The following ABTB3 variants were observed in gnomAD, a reference collection of about 807,000 sequenced individuals.
ABTB3 encodes ankyrin repeat and BTB domain containing 3, also known as ankyrin repeat- and BTB/POZ domain-containing protein 3.
the ABTB3 span, among the ~76,000 whole-genome samples, chr12:107,389,100 C>T: frequency 6.6e-6 from 1 of 152,284 alleles, no homozygotes; most frequent in Admixed American, 6.5e-5. Context: ...ATTGGGACTG[C>T]ACTTCTGTAC....
At chr12:107,611,896 C>G in the ABTB3 span, among the ~76,000 whole-genome samples, 1 of 152,184 alleles carries the variant, frequency 6.6e-6, no homozygotes, top group South Asian at 2.1e-4. Context: ...GATAAATATG[C>G]CTCAATTCAT....
chr12:107,387,832 C>T, the ABTB3 span, among the ~76,000 whole-genome samples: 1 of 152,032 alleles, frequency 6.6e-6, no homozygotes, highest in Non-Finnish European at 1.5e-5. Flanking sequence ...AATGCAGGTC[C>T]CATACAGGAG....
the ABTB3 span, among the ~76,000 whole-genome samples, chr12:107,559,237 G>C: frequency 6.6e-5 from 10 of 152,328 alleles, no homozygotes; most frequent in Non-Finnish European, 1.3e-4. Flanking sequence ...CTCCCAGAGA[G>C]AGATCACCAG....
the ABTB3 span, among the ~76,000 whole-genome samples, chr12:107,462,698 A>ATGG: frequency 6.6e-6 from 1 of 151,664 alleles, no homozygotes; most frequent in Non-Finnish European, 1.5e-5. Flanking sequence ...GATGGTGATG[A>ATGG]TGGTGGTGGT....
At chr12:107,480,639 T>C in the ABTB3 span, among the ~76,000 whole-genome samples, 36 of 152,196 alleles carry the variant, frequency 2.4e-4, no homozygotes, top group African/African-American at 7.5e-4. Context: ...CCTGGTGAAC[T>C]CTGAAGGGTC....
chr12:107,587,565 T>C, the ABTB3 span, among the ~76,000 whole-genome samples: 5 of 151,988 alleles, frequency 3.3e-5, no homozygotes, highest in East Asian at 9.7e-4. Flanking sequence ...CAGAGGGAGA[T>C]AGACGGTTGC....
At chr12:107,615,279 T>C in the ABTB3 span, 1 of 723,336 alleles carries the variant, frequency 1.4e-6, no homozygotes, top group East Asian at 2.8e-5. Context: ...TTAACTGCAA[T>C]TCAATATAGT....
the ABTB3 span, among the ~76,000 whole-genome samples, chr12:107,613,929 T>C: frequency 1.3e-5 from 2 of 152,132 alleles, no homozygotes; most frequent in Non-Finnish European, 2.9e-5. Flanking sequence ...CAGTTTTGGA[T>C]CCAGAATCAT....
the ABTB3 span, chr12:107,319,645 C>A: frequency 6.5e-7 from 1 of 1,537,202 alleles, no homozygotes; most frequent in East Asian, 2.4e-5. Flanking sequence ...ACGCCGCCAT[C>A]TACCTGACAG....
the ABTB3 span, among the ~76,000 whole-genome samples, chr12:107,584,518 G>A: frequency 6.6e-6 from 1 of 152,212 alleles, no homozygotes; most frequent in South Asian, 2.1e-4. Flanking sequence ...TTCTAGTTCT[G>A]AGTCGGTCAG....
the ABTB3 span, among the ~76,000 whole-genome samples, chr12:107,443,285 G>A: frequency 4.8e-4 from 73 of 152,140 alleles, no homozygotes; most frequent in African/African-American, 1.6e-3. Flanking sequence ...AAAAGCAAAG[G>A]GGCCAGGACC....
chr12:107,554,074 C>T, the ABTB3 span, among the ~76,000 whole-genome samples: 1 of 152,092 alleles, frequency 6.6e-6, no homozygotes. Flanking sequence ...ATTTGATGAG[C>T]GTCTACTATG....
At chr12:107,553,394 T>C in the ABTB3 span, among the ~76,000 whole-genome samples, 1 of 152,194 alleles carries the variant, frequency 6.6e-6, no homozygotes, top group Non-Finnish European at 1.5e-5. Context: ...AACACGGTCA[T>C]GTAAGTTGCC....
At chr12:107,404,152 G>A in the ABTB3 span, among the ~76,000 whole-genome samples, 1 of 95,280 alleles carries the variant, frequency 1.0e-5, no homozygotes, top group Non-Finnish European at 1.9e-5. Flanking sequence ...AACAGAGAGA[G>A]ACTCTAACTC....
At chr12:107,431,803 T>A in the ABTB3 span, among the ~76,000 whole-genome samples, 1 of 152,158 alleles carries the variant, frequency 6.6e-6, no homozygotes, top group African/African-American at 2.4e-5. Flanking sequence ...CAGATGCACC[T>A]GAATGTGTGT....
At chr12:107,464,204 AGAGTGTGTGTGTGT>A in the ABTB3 span, among the ~76,000 whole-genome samples, 22 of 129,168 alleles carry the variant, frequency 1.7e-4, no homozygotes, top group African/African-American at 5.9e-4. Flanking sequence ...AAACATGTGA[AGAGTGTGTGTGTGT>A]GTGTGTGTGT....
the ABTB3 span, among the ~76,000 whole-genome samples, chr12:107,457,790 G>C: frequency 9.2e-5 from 14 of 152,328 alleles, no homozygotes; most frequent in Admixed American, 2.0e-4. Context: ...TGGCAGAACG[G>C]GCAAAGAGAG....
At chr12:107,457,295 G>A in the ABTB3 span, among the ~76,000 whole-genome samples, 1 of 152,180 alleles carries the variant, frequency 6.6e-6, no homozygotes, top group Non-Finnish European at 1.5e-5. Flanking sequence ...CCAAGGGTGT[G>A]GAACTTTGAG....
chr12:107,465,818 A>G, the ABTB3 span, among the ~76,000 whole-genome samples: 1 of 151,938 alleles, frequency 6.6e-6, no homozygotes, highest in South Asian at 2.1e-4. Flanking sequence ...ACACACATCC[A>G]CACACACAGT....
Sources: allele counts gnomAD v4.1 joint callset (sites outside exome capture counted in the v4.1 genomes callset), GRCh38; gene constraint gnomAD v4.1.1; transcripts MANE v1.5; gene names NCBI Gene and HGNC (gene_info 2026-07-23, HGNC 2026-07-21).